The following PRTG variants were observed in gnomAD, a reference collection of about 807,000 sequenced individuals.
The protein encoded by PRTG is immunoglobulin superfamily, DCC subclass, member 5.
In PRTG, 67 loss-of-function variants were observed where a neutral mutation model predicts 122.5. The observed-to-expected ratio is 0.55, with a 90% confidence interval of 0.45 to 0.67. The LOEUF (loss-of-function observed/expected upper bound fraction) is 0.67. Among genes scored for constraint, PRTG ranks in the 30% least tolerant of loss-of-function variants. PRTG has a pLI of 0.00. For synonymous variants in PRTG, 554 were observed against 501.1 expected, an observed-to-expected ratio of 1.11 and a Z score of -1.41; for missense variants, 1,435 against 1,415.4, an observed-to-expected ratio of 1.01 and a Z score of -0.22.
At chr15:55,721,898 C>T (rs1249011211) in intron 2 of PRTG, among the ~76,000 whole-genome samples, 1 of 152,130 alleles carries the variant, frequency 6.6e-6, no homozygotes, top group Non-Finnish European at 1.5e-5. Context: ...GGGGAAACCA[C>T]CCCCATGATT....
At position 55,712,020 on chromosome 15, in the gene PRTG, A is replaced by G. The variant is rs557031822; in HGVS notation, c.398-28089T>C. Among the ~76,000 whole-genome samples the G allele has an allele frequency of 9.8e-5, 15 of 152,316 alleles. No individual in the cohort carries two copies. In the South Asian group the frequency reaches 3.1e-3, roughly 32 times the overall value. On this transcript the variant is annotated intron_variant, in intron 2 of 19. Transcript: ENST00000389286. ...AAGGAAACAATCTAGGAAGGAACTGAAATGGTTAAGCAGAAGCCAAATGAT... is the reference window on the plus strand; with the variant it reads ...AAGGAAACAATCTAGGAAGGAACTGGAATGGTTAAGCAGAAGCCAAATGAT...
Position 55,680,098 on chromosome 15 carries a change from C to T in PRTG, c.929G>A (p.Gly310Asp). The T allele has an allele frequency of 6.2e-7, 1 of 1,613,652 alleles. No homozygotes were observed. The highest frequency in any genetic ancestry group is 2.2e-5 in the East Asian group (1 of 44,846). The change falls in exon 6 of 20, where the codon GGC becomes GAC. Residue 310 changes from glycine (G) to aspartate (D), a missense_variant. By Grantham distance (94) the Gly-to-Asp change is moderately conservative. Coordinates refer to ENST00000389286, the MANE Select transcript of PRTG (RefSeq NM_173814.6). Reference protein sequence around the residue: ...GVYVCRATTPGTRNFTVAMAT... With the variant: ...GVYVCRATTPDTRNFTVAMAT... Reference sequence around the variant, plus strand: ...CATAGCAACTGTAAAGTTGCGTGTGCCAGGGGTAGTGGCCCGACAAACATA... The same window carrying T: ...CATAGCAACTGTAAAGTTGCGTGTGTCAGGGGTAGTGGCCCGACAAACATA...
chr15:55,715,849 G>C (rs1213536066), intron 2 of PRTG, among the ~76,000 whole-genome samples: 2 of 152,210 alleles, frequency 1.3e-5, no homozygotes, highest in African/African-American at 2.4e-5. Context: ...AGAAACCTAA[G>C]AGAAACTTTG....
At chr15:55,711,361 GA>G (rs2030380542) in intron 2 of PRTG, among the ~76,000 whole-genome samples, 2 of 152,056 alleles carry the variant, frequency 1.3e-5, no homozygotes, top group African/African-American at 4.8e-5. Context: ...GCTGATCCTT[GA>G]CCTTGCCTCT....
chr15:55,662,887 C>A (rs1465729576), intron 11 of PRTG, among the ~76,000 whole-genome samples: 1 of 152,166 alleles, frequency 6.6e-6, no homozygotes, highest in African/African-American at 2.4e-5. Context: ...ACTTAACTTC[C>A]AACTGCACAA....
intron 2 of PRTG, among the ~76,000 whole-genome samples, chr15:55,686,899 C>T (rs892922833): frequency 1.3e-5 from 2 of 152,220 alleles, no homozygotes; most frequent in African/African-American, 2.4e-5. Context: ...CTTATCCCAT[C>T]CTTTGGGAAG....
In PRTG at chr15:55,619,930, C is replaced by A; in HGVS notation, c.*82G>T. On this transcript the variant is annotated 3_prime_UTR_variant, in exon 20 of 20. Transcript: ENST00000389286. ...GCGGCTGCAGAACTAAGGAGGAAGT[C>A]TGCTCACTAACAGATGACACAGCAG... 1 of 1,567,344 alleles carries A rather than the reference C, an allele frequency of 6.4e-7. No homozygotes were observed. Among genetic ancestry groups the A allele is most frequent in the African/African-American group, 1.4e-5 (1 of 73,782 alleles).
At chr15:55,742,375 C>G (rs1251150322) in intron 1 of PRTG, 1 of 155,054 alleles carries the variant, frequency 6.4e-6, no homozygotes, top group Admixed American at 6.5e-5. Context: ...CGGGAAGCCG[C>G]GAGGAACCGC....
At chr15:55,626,566 C>T (rs576470557) in intron 17 of PRTG, among the ~76,000 whole-genome samples, 12 of 148,390 alleles carry the variant, frequency 8.1e-5, no homozygotes, top group South Asian at 2.1e-4. Flanking sequence ...CTGGCTAACA[C>T]GGTGAAACCC....
chr15:55,625,461 T>C (rs1216204791), intron 17 of PRTG, among the ~76,000 whole-genome samples: 1 of 151,990 alleles, frequency 6.6e-6, no homozygotes. Flanking sequence ...TTTTCTTTTT[T>C]TTTTTTTAGA....
Position 55,637,250 on chromosome 15 carries a change from G to A in PRTG, c.2543C>T (p.Thr848Ile), listed in dbSNP as rs779185686. The A allele has an allele frequency of 6.2e-7, 1 of 1,614,002 alleles. No individual in the cohort carries two copies. The highest frequency in any genetic ancestry group is 1.7e-5 in the Admixed American group (1 of 59,988). The change falls in exon 15 of 20, where the codon ACA becomes ATA. Residue 848 changes from threonine to isoleucine, a missense_variant. Physicochemically the swap from Thr to Ile is moderately conservative, Grantham distance 89. Transcript: ENST00000389286. The stretch of plus-strand genomic sequence containing the variant: ...TAAGATAGTATAGCGGGTCACAACT[G>A]TTTCTGGGCCATCAGGGGGTTTCCA... ...VSWKPPDGPE[T>I]VVTRYTILYA...
At chr15:55,637,373 TA>T in intron 14 of PRTG, 33 bp from the exon 15 acceptor site, 1 of 1,503,200 alleles carries the variant, frequency 6.7e-7, no homozygotes. Context: ...TGTATTAATA[TA>T]GTAAAATGGT....
chr15:55,680,027 CCT>C lies in PRTG; in HGVS notation c.973+25_973+26del, dbSNP rs371119841. On this transcript the variant is annotated intron_variant, in intron 6 of 19. Coordinates refer to ENST00000389286, the MANE Select transcript of PRTG (RefSeq NM_173814.6). ...GGCAAATGTTAAAATGTAAGATTCC[CCT>C]GATTGCAGAATGAAAGGAACATACC... 189 of 1,586,754 alleles carry C rather than the reference CCT, an allele frequency of 1.2e-4. No homozygotes were observed. In the African/African-American group the frequency reaches 1.7e-3, roughly 14 times the overall value.
rs2059149641 is a variant in PRTG at position 55,618,299 on chromosome 15, A to G, written c.*1713T>C. ...ATGATGCTGGGACTATTATCTGCTA[A>G]TATTCCTTTGATTTTAGAACATCAG... On this transcript the variant is annotated 3_prime_UTR_variant, in exon 20 of 20. Transcript: ENST00000389286. 1 of 152,232 alleles carries G rather than the reference A, an allele frequency of 6.6e-6. No individual in the cohort carries two copies. 9.4% of individuals were successfully genotyped at this position (152,232 alleles called of 1,614,324 possible). A position where few individuals can be genotyped will look rare whatever the true frequency, so the allele number is the denominator to read the frequency against.
chr15:55,708,152 A>AAAAC (rs2030214963), intron 2 of PRTG, among the ~76,000 whole-genome samples: 2 of 86,716 alleles, frequency 2.3e-5, no homozygotes, highest in African/African-American at 8.1e-5. Flanking sequence ...AGCTGGTAAA[A>AAAAC]AAAAAAAAAA....
intron 17 of PRTG, among the ~76,000 whole-genome samples, chr15:55,626,130 AC>A (rs1340070560): frequency 6.6e-6 from 1 of 152,146 alleles, no homozygotes; most frequent in African/African-American, 2.4e-5. Flanking sequence ...AAATGAGGAT[AC>A]TAGGCCGGGC....
chr15:55,724,344 T>C (rs575736031), intron 2 of PRTG, among the ~76,000 whole-genome samples: 108 of 152,316 alleles, frequency 7.1e-4, no homozygotes, highest in Non-Finnish European at 1.3e-3. Context: ...CCTTCATATA[T>C]TTTGGGACTC....
rs1194328550 is a variant in PRTG, at chr15:55,742,857, CAGCAGG to C, written c.69_74del (p.Leu26_Leu27del). On this transcript the variant is annotated inframe_deletion, in exon 1 of 20. Transcript: ENST00000389286. ...GCCCACCTGGCAAAGGACTGAGCAGCAGCAGGAGCAGGAGCGCGCGGAGCAGCATCC... is the reference window on the plus strand; with the variant it reads ...GCCCACCTGGCAAAGGACTGAGCAGCAGCAGGAGCGCGCGGAGCAGCATCC... 2.6e-6 allele frequency: 4 copies of C among 1,539,612 alleles called. No individual in the cohort carries two copies. In the Admixed American group the frequency reaches 7.9e-5, roughly 30 times the overall value.
chr15:55,633,570 A>G (rs1283089169), intron 15 of PRTG, among the ~76,000 whole-genome samples: 1 of 152,224 alleles, frequency 6.6e-6, no homozygotes, highest in Non-Finnish European at 1.5e-5. Context: ...GTAAATATGT[A>G]TAAACCTAAT....
Sources: gnomAD v4.1 joint callset for allele counts (sites outside exome capture counted in the v4.1 genomes callset) on GRCh38, gnomAD v4.1.1 for gene constraint, MANE v1.5 for transcripts, NCBI Gene and HGNC (gene_info 2026-07-23, HGNC 2026-07-21) for gene names.